The following ABCA3 variants were observed in gnomAD, a reference collection of about 807,000 sequenced individuals.
ABCA3 encodes the protein phospholipid-transporting ATPase ABCA3.
A neutral mutation model predicts 172.8 loss-of-function variants in ABCA3; 88 were observed. The ratio of observed to expected loss-of-function variants is 0.51; its 90% CI spans 0.43 to 0.61. The LOEUF (loss-of-function observed/expected upper bound fraction) is 0.61, where lower values mean the gene tolerates loss of function less well. Among genes scored for constraint, ABCA3 ranks in the 20% least tolerant of loss-of-function variants. The pLI, the probability that ABCA3 is intolerant of heterozygous loss-of-function variation, is 0.00. For synonymous variants in ABCA3, 1,066 were observed against 983.8 expected (o/e 1.08, Z -1.56); for missense variants, 2,164 against 2,301.0 (o/e 0.94, Z 1.22).
rs1163360141 is a variant in ABCA3 at position 2,308,576 on chromosome 16, T to A, written c.1159A>T (p.Ile387Phe). The A allele has an allele frequency of 6.2e-7, 1 of 1,614,148 alleles. No individual in the cohort carries two copies. The highest frequency in any genetic ancestry group is 2.2e-5 in the East Asian group (1 of 44,878). The change falls in exon 11 of 33, where the codon ATC becomes TTC. Residue 387 changes from isoleucine (I) to phenylalanine (F), a missense_variant. Ile to Phe is a conservative substitution (Grantham distance 21, BLOSUM62 0). Coordinates refer to ENST00000301732, the MANE Select transcript of ABCA3 (RefSeq NM_001089.3). ...FGGFLYFFTY[I>F]PYFFVAPRYN... ...CGAGGGGCCACGAAGAAGTAGGGGA[T>A]GTAGGTGAAGAAGTAGAGGAAGCCT...
rs774613961 is a variant in ABCA3 at position 2,297,299 on chromosome 16, A to C, written c.2263+30T>G. ...CCTCAGCACGGCAGCCAGGACACCG[A>C]CCCTGTCGCGGGCTGGCCCCACCGC... is the stretch of plus-strand genomic sequence containing the variant. On this transcript the variant is annotated intron_variant, in intron 17 of 32. Transcript: ENST00000301732. The surrounding 1 kb of genome is among the most constrained non-coding windows in gnomAD (Gnocchi z 5.6). 6.2e-7 allele frequency: 1 copy of C among 1,605,304 alleles called. No individual in the cohort carries two copies. The highest frequency in any genetic ancestry group is 8.5e-7 in the Non-Finnish European group (1 of 1,179,030).
intron 11 of ABCA3, among the ~76,000 whole-genome samples, chr16:2,305,337 G>A (rs554524172): frequency 2.0e-4 from 31 of 151,638 alleles, no homozygotes; most frequent in Admixed American, 3.3e-4. Flanking sequence ...TCACTCTGTT[G>A]CCAGGCTGGA....
intron 11 of ABCA3, among the ~76,000 whole-genome samples, chr16:2,305,350 G>A (rs1208746060): frequency 1.3e-5 from 2 of 152,152 alleles, no homozygotes; most frequent in African/African-American, 4.8e-5. Flanking sequence ...AGGCTGGAGT[G>A]CAGGGGCACA....
At chr16:2,326,542 A>G (rs1404837785) in intron 3 of ABCA3, 50 bp from the exon 4 acceptor site, 2 of 1,547,504 alleles carry the variant, frequency 1.3e-6, no homozygotes, top group South Asian at 2.4e-5. Context: ...AGAAACACGC[A>G]GAGTGGGGAT....
At chr16:2,304,981 T>A (rs2141716520) in intron 11 of ABCA3, among the ~76,000 whole-genome samples, 1 of 151,778 alleles carries the variant, frequency 6.6e-6, no homozygotes, top group East Asian at 1.9e-4. Context: ...AGCCCTAATT[T>A]TTTTGTATTT....
At position 2,315,203 on chromosome 16, in the gene ABCA3, T is replaced by TACACACAC. The variant is rs377647001; in HGVS notation, c.1111+2072_1111+2079dup. Among the ~76,000 whole-genome samples, 715 of 138,484 alleles carry TACACACAC rather than the reference T, an allele frequency of 5.2e-3. 5 individuals carry two copies. Among genetic ancestry groups the TACACACAC allele is most frequent in the East Asian group, 0.011 (55 of 4,826 alleles). The allele number at this position is 138,484 out of a possible 152,430, so 90.9% of individuals were successfully genotyped here. On this transcript the variant is annotated intron_variant, in intron 10 of 32. Transcript: ENST00000301732. ...CGGTCATAAATTGTTGTATGTATTT[T>TACACACAC]ACACACACACACACACACACACACA... is the stretch of plus-strand genomic sequence containing the variant.
At chr16:2,319,534 G>A (rs756352710) in intron 8 of ABCA3, 47 bp downstream of exon 8, 8 of 1,601,114 alleles carry the variant, frequency 5.0e-6, no homozygotes, top group Non-Finnish European at 6.8e-6. Context: ...GGCCTCCCCA[G>A]GACAGCGCGG....
intron 10 of ABCA3, among the ~76,000 whole-genome samples, chr16:2,316,414 G>C (rs543244793): frequency 2.9e-5 from 4 of 138,508 alleles, no homozygotes; most frequent in South Asian, 2.4e-4. Flanking sequence ...GGAAGCCAAG[G>C]AGTATGGATC....
Position 2,284,732 on chromosome 16 carries a change from G to T in ABCA3, c.3703+47C>A. ...GGTGCCTCCCTGTCTGGGCGGAGTGGCTCCGTGGATGGCCATGGGGGCTGC... is the reference window on the plus strand; with the variant it reads ...GGTGCCTCCCTGTCTGGGCGGAGTGTCTCCGTGGATGGCCATGGGGGCTGC... On this transcript the variant is annotated intron_variant, in intron 24 of 32. Coordinates refer to ENST00000301732, the MANE Select transcript of ABCA3 (RefSeq NM_001089.3). This position sits in a 1 kb window ranked among gnomAD's most constrained non-coding sequence, Gnocchi z 5.9. 1 of 1,575,974 alleles carries T rather than the reference G, an allele frequency of 6.3e-7. No individual in the cohort carries two copies.
At position 2,326,645 on chromosome 16, in the gene ABCA3, G is replaced by A. The variant is rs538804184; in HGVS notation, c.-26-153C>T. On this transcript the variant is annotated intron_variant, in intron 3 of 32. Transcript: ENST00000301732. ...AACACCCCTGGAGGGAAGGGTACAA[G>A]GCCTGTGCCATGCCCACCCTCAATC... Among the ~76,000 whole-genome samples, 12 of 152,320 alleles carry A rather than the reference G, an allele frequency of 7.9e-5. No homozygotes were observed. The South Asian group carries it at 2.5e-3, about 32-fold the overall frequency.
chr16:2,330,419 A>T (rs1370513389), intron 1 of ABCA3, among the ~76,000 whole-genome samples: 1 of 149,700 alleles, frequency 6.7e-6, no homozygotes, highest in Non-Finnish European at 1.5e-5. Flanking sequence ...TCCCAGGTTC[A>T]AGCGATTCTC....
In ABCA3 at chr16:2,328,566, G is replaced by A. The variant is rs2093738091; in HGVS notation, c.-140C>T. The A allele has an allele frequency of 1.9e-6, 1 of 515,784 alleles. No homozygotes were observed. The highest frequency in any genetic ancestry group is 1.4e-5 in the South Asian group (1 of 70,562). The allele number at this position is 515,784 out of a possible 1,614,324, so 32.0% of individuals were successfully genotyped here. ...AAAGAGGGCGAGGTGTGCAGACGTG[G>A]CTGCTCTGTCCTGGAGAGGCAGGGA... On this transcript the variant is annotated 5_prime_UTR_variant, in exon 3 of 33. Transcript: ENST00000301732.
At chr16:2,291,667 T>C (rs2093672255) in intron 19 of ABCA3, among the ~76,000 whole-genome samples, 1 of 152,166 alleles carries the variant, frequency 6.6e-6, no homozygotes, top group Non-Finnish European at 1.5e-5. Context: ...ACAGTCACAA[T>C]CTGCACTTGG....
Position 2,287,137 on chromosome 16 carries a change from T to C in ABCA3, c.3005-170A>G, listed in dbSNP as rs2093664410. ...GAGTATAATTTCTGGCAAGGTTTTG[T>C]CATCATTCAGTATGTGGAACTTTGA... On this transcript the variant is annotated intron_variant, in intron 21 of 32. Coordinates refer to ENST00000301732, the MANE Select transcript of ABCA3 (RefSeq NM_001089.3). This position sits in a 1 kb window ranked among gnomAD's most constrained non-coding sequence, Gnocchi z 4.1. Among the ~76,000 whole-genome samples the C allele has an allele frequency of 6.6e-6, 1 of 152,176 alleles. No individual in the cohort carries two copies. The highest frequency in any genetic ancestry group is 1.9e-4 in the East Asian group (1 of 5,206).
rs1270316918 is a variant in ABCA3, at chr16:2,278,205, G to A, written c.4718+83C>T. ...CTCACGGGCAGACTCTGCACCAGAT[G>A]CTGATGGGTCTCCTGGCCACCTGGC... is the stretch of plus-strand genomic sequence containing the variant. On this transcript the variant is annotated intron_variant, in intron 30 of 32. Coordinates refer to ENST00000301732, the MANE Select transcript of ABCA3 (RefSeq NM_001089.3). The surrounding 1 kb of genome is among the most constrained non-coding windows in gnomAD (Gnocchi z 4.4). 2.3e-5 allele frequency: 37 copies of A among 1,598,248 alleles called. No homozygotes were observed. Among genetic ancestry groups the A allele is most frequent in the Non-Finnish European group, 3.0e-5 (35 of 1,176,754 alleles).
intron 28 of ABCA3, among the ~76,000 whole-genome samples, chr16:2,280,377 T>G (rs901029113): frequency 6.6e-6 from 1 of 152,254 alleles, no homozygotes; most frequent in African/African-American, 2.4e-5. Context: ...TTGTTTGCTG[T>G]GCATTGCCTG....
At chr16:2,289,764 T>TGTG in intron 19 of ABCA3, 144 bp from the exon 20 acceptor site, 2 of 853,068 alleles carry the variant, frequency 2.3e-6, no homozygotes, top group Non-Finnish European at 3.6e-6. Context: ...TCCTCACTCA[T>TGTG]CAGTGTCTCC....
At chr16:2,316,490 CAAAAAAAAAAAA>C (rs71148128) in intron 10 of ABCA3, among the ~76,000 whole-genome samples, 109 of 28,856 alleles carry the variant, frequency 3.8e-3, no homozygotes, top group African/African-American at 0.011. Context: ...ACTAAAAATG[CAAAAAAAAAAAA>C]AAAAAAAAAA....
intron 6 of ABCA3, 58 bp downstream of exon 6, chr16:2,324,346 G>C (rs985109261): frequency 5.8e-6 from 9 of 1,541,454 alleles, no homozygotes; most frequent in Non-Finnish European, 7.0e-6. Context: ...AGTGACGCGG[G>C]AGGAAGCGGA....
Sources: gnomAD v4.1 joint callset for allele counts (sites outside exome capture counted in the v4.1 genomes callset) on GRCh38, gnomAD v4.1.1 for gene constraint, Gnocchi (gnomAD v3.1) non-coding constraint, MANE v1.5 for transcripts, NCBI Gene and HGNC (gene_info 2026-07-23, HGNC 2026-07-21) for gene names.